ALK: variants seen among roughly 807,000 people sequenced by gnomAD.
ALK encodes ALK receptor tyrosine kinase.
Under a neutral mutation model 163.1 loss-of-function variants are expected in ALK, and 74 were observed. The observed-to-expected ratio is 0.45, with a 90% CI of 0.38 to 0.55. The LOEUF is 0.55. Among genes scored for constraint, ALK ranks in the 20% least tolerant of loss-of-function variants. The pLI is 0.00. For missense variants in ALK, 2,063 were observed against 2,105.3 expected (o/e 0.98, Z 0.39); for synonymous variants, 960 against 843.2 (o/e 1.14, Z -2.40).
chr2:29,229,417 T>C (rs994204740), intron 15 of ALK, among the ~76,000 whole-genome samples: 1 of 152,126 alleles, frequency 6.6e-6, no homozygotes, highest in Non-Finnish European at 1.5e-5. Flanking sequence ...TCCTCTATCT[T>C]CTCTTCATGT....
chr2:29,556,673 C>A (rs1488037691), intron 3 of ALK, among the ~76,000 whole-genome samples: 1 of 152,104 alleles, frequency 6.6e-6, no homozygotes, highest in Non-Finnish European at 1.5e-5. Context: ...TTTAGTGGGG[C>A]CTGTGAGAAC....
chr2:29,227,686 C>A lies in ALK; in HGVS notation c.2816-14G>T, dbSNP rs747890856. On this transcript the variant is annotated splice_polypyrimidine_tract_variant and intron_variant, in intron 16 of 28. Coordinates refer to ENST00000389048, the MANE Select transcript of ALK (RefSeq NM_004304.5). This position sits in a 1 kb window ranked among gnomAD's most constrained non-coding sequence, Gnocchi z 4.4. ...CTGCATTGCCGCCTGAGTAGCAAAC[C>A]AGAGCAGAGTTTAACATGGGGGGTG... 13 of 1,610,574 alleles carry A rather than the reference C, an allele frequency of 8.1e-6. No homozygotes were observed. The highest frequency in any genetic ancestry group is 8.5e-6 in the Non-Finnish European group (10 of 1,177,292).
intron 23 of ALK, among the ~76,000 whole-genome samples, chr2:29,218,564 G>A (rs970950966): frequency 2.0e-5 from 3 of 152,136 alleles, no homozygotes; most frequent in African/African-American, 7.2e-5. Flanking sequence ...GAGGGAGAGA[G>A]AAAGGGGGAG....
chr2:29,282,578 C>T lies in ALK; in HGVS notation c.1818-7082G>A, dbSNP rs1258598693. Among the ~76,000 whole-genome samples the T allele has an allele frequency of 2.0e-5, 3 of 152,168 alleles. No homozygotes were observed. In the East Asian group the frequency reaches 5.8e-4, roughly 29 times the overall value. ...ATACCCCTCCTGGCTCCATCCCACT[C>T]TTAGAAGTAATTTACCACCTCCTGC... is the stretch of plus-strand genomic sequence containing the variant. On this transcript the variant is annotated intron_variant, in intron 9 of 28. Transcript: ENST00000389048.
chr2:29,368,979 C>G (rs954453841), intron 5 of ALK, among the ~76,000 whole-genome samples: 1 of 152,170 alleles, frequency 6.6e-6, no homozygotes, highest in African/African-American at 2.4e-5. Context: ...AAAAAACCGC[C>G]AGCACTCGCC....
intron 1 of ALK, among the ~76,000 whole-genome samples, chr2:29,722,560 G>A (rs1290887461): frequency 6.6e-6 from 1 of 152,164 alleles, no homozygotes; most frequent in African/African-American, 2.4e-5. Flanking sequence ...AACTCTGTGG[G>A]ATCTTTATTT....
chr2:29,920,512 G>T lies in ALK; in HGVS notation c.148C>A (p.Gln50Lys). 1.2e-6 allele frequency: 2 copies of T among 1,612,600 alleles called. No individual in the cohort carries two copies. The highest frequency in any genetic ancestry group is 1.7e-6 in the Non-Finnish European group (2 of 1,179,624). ...AAGTCAACTGCCAGACTCTTCCTCT[G>T]CAGGCGCGAGTAGCTGAGTGGCTCC... ...PREPLSYSRLQRKSLAVDFVV... is the reference protein window; with the variant it reads ...PREPLSYSRLKRKSLAVDFVV... The change falls in exon 1 of 29, where the codon CAG becomes AAG. Residue 50 changes from glutamine to lysine, a missense_variant. By Grantham distance (53) the Gln-to-Lys change is moderately conservative. Transcript: ENST00000389048.
chr2:29,903,426 C>T (rs4233752), intron 1 of ALK, among the ~76,000 whole-genome samples: 94,347 of 152,010 alleles, frequency 0.62, 29,688 homozygotes, highest in East Asian at 0.77. Context: ...GCGCCTACTA[C>T]GTCCCTCATC....
intron 4 of ALK, among the ~76,000 whole-genome samples, chr2:29,493,243 G>A (rs1671945391): frequency 6.6e-6 from 1 of 152,150 alleles, no homozygotes; most frequent in African/African-American, 2.4e-5. Flanking sequence ...ATAGCCCATT[G>A]GATTTTCAAA....
intron 4 of ALK, among the ~76,000 whole-genome samples, chr2:29,528,872 A>C (rs571586539): frequency 6.6e-6 from 1 of 152,006 alleles, no homozygotes; most frequent in Non-Finnish European, 1.5e-5. Context: ...GGTAGCCCCT[A>C]TTTCTCTGCT....
At chr2:29,781,556 C>T (rs917415246) in intron 1 of ALK, among the ~76,000 whole-genome samples, 2 of 152,236 alleles carry the variant, frequency 1.3e-5, no homozygotes, top group Non-Finnish European at 2.9e-5. Context: ...CAAATCATTA[C>T]AATGTGCGAA....
intron 8 of ALK, among the ~76,000 whole-genome samples, chr2:29,310,319 A>G (rs991446756): frequency 2.6e-5 from 4 of 152,158 alleles, no homozygotes; most frequent in Admixed American, 2.0e-4. Context: ...ATAACGAGAT[A>G]ATGTAGGTGA....
At chr2:29,203,485 C>CTTTTTTTTTTTTTTTCTTTTTTTTTTT (rs1669232927) in intron 26 of ALK, among the ~76,000 whole-genome samples, 1 of 32,544 alleles carries the variant, frequency 3.1e-5, no homozygotes. Context: ...GAGGATGTGC[C>CTTTTTTTTTTTTTTTCTTTTTTTTTTT]TTTTTTTTTT....
At chr2:29,576,100 G>C (rs1320619747) in intron 3 of ALK, among the ~76,000 whole-genome samples, 2 of 152,200 alleles carry the variant, frequency 1.3e-5, no homozygotes, top group Non-Finnish European at 2.9e-5. Flanking sequence ...GTGCAGTCAG[G>C]AACTGGGGCT....
chr2:29,370,492 C>G (rs1668613022), intron 5 of ALK, among the ~76,000 whole-genome samples: 1 of 152,220 alleles, frequency 6.6e-6, no homozygotes. Context: ...ATAATCAGGG[C>G]CCTTGTCCAG....
intron 1 of ALK, among the ~76,000 whole-genome samples, chr2:29,783,069 G>A (rs891273037): frequency 5.3e-5 from 8 of 152,210 alleles, no homozygotes; most frequent in African/African-American, 1.9e-4. Flanking sequence ...AGTGCAAGGC[G>A]TTTGTCATTC....
chr2:29,850,697 G>A (rs374950167), intron 1 of ALK, among the ~76,000 whole-genome samples: 1 of 152,188 alleles, frequency 6.6e-6, no homozygotes, highest in Non-Finnish European at 1.5e-5. Flanking sequence ...CCTAGACTTG[G>A]TTGTACCATC....
chr2:29,882,152 T>C (rs1666884908), intron 1 of ALK, among the ~76,000 whole-genome samples: 1 of 152,178 alleles, frequency 6.6e-6, no homozygotes. Context: ...ACTGTAGGTG[T>C]GAGAGCATCG....
At chr2:29,531,837 T>A in intron 4 of ALK, 78 bp downstream of exon 4, 1 of 1,449,388 alleles carries the variant, frequency 6.9e-7, no homozygotes, top group Non-Finnish European at 9.7e-7. Context: ...TAAGTAGATG[T>A]CACAGACTCT....
Sources: allele counts gnomAD v4.1 joint callset (sites outside exome capture counted in the v4.1 genomes callset), GRCh38; gene constraint gnomAD v4.1.1; non-coding constraint Gnocchi (gnomAD v3.1); transcripts MANE v1.5; gene names NCBI Gene and HGNC (gene_info 2026-07-23, HGNC 2026-07-21).